The following ADAMTSL1 variants were observed in gnomAD, a reference collection of about 807,000 sequenced individuals.
ADAMTSL1 encodes ADAMTS like 1.
Under a neutral mutation model 201.8 loss-of-function variants are expected in ADAMTSL1, and 126 were observed. The ratio of observed to expected loss-of-function variants is 0.62; its 90% CI spans 0.54 to 0.72. The LOEUF is 0.72. ADAMTSL1 is among the 30% of genes least tolerant of loss of function. ADAMTSL1 has a pLI of 0.00. For missense variants in ADAMTSL1, 2,679 were observed against 2,277.8 expected, an observed-to-expected ratio of 1.18 and a Z score of -3.59; for synonymous variants, 1,121 against 903.4, an observed-to-expected ratio of 1.24 and a Z score of -4.32.
intron 1 of ADAMTSL1, among the ~76,000 whole-genome samples, chr9:18,062,790 A>T (rs1230977604): frequency 6.6e-6 from 1 of 152,204 alleles, no homozygotes; most frequent in Non-Finnish European, 1.5e-5. Context: ...AACTTTTAAA[A>T]AATGATTTTT....
intron 14 of ADAMTSL1, among the ~76,000 whole-genome samples, chr9:18,712,871 G>C (rs1020521491): frequency 2.0e-5 from 3 of 148,370 alleles, no homozygotes; most frequent in African/African-American, 7.4e-5. Context: ...TACCCTCAAA[G>C]GGAAGCCCAT....
intron 14 of ADAMTSL1, chr9:18,717,833 T>C: frequency 8.9e-6 from 6 of 673,796 alleles, no homozygotes; most frequent in Non-Finnish European, 1.6e-5. Flanking sequence ...ATATAGTAGC[T>C]TTCATATGCT....
At chr9:18,416,606 C>G (rs926225163) in intron 2 of ADAMTSL1, among the ~76,000 whole-genome samples, 2 of 151,892 alleles carry the variant, frequency 1.3e-5, no homozygotes, top group African/African-American at 4.8e-5. Flanking sequence ...TAACATTTAT[C>G]AAAAGAAATC....
chr9:18,632,169 A>T (rs1826827319), intron 5 of ADAMTSL1, among the ~76,000 whole-genome samples: 1 of 152,082 alleles, frequency 6.6e-6, no homozygotes, highest in South Asian at 2.1e-4. Flanking sequence ...CTTAAACACC[A>T]CTCTGTGCAC....
chr9:18,107,056 T>G (rs1350418500), intron 1 of ADAMTSL1, among the ~76,000 whole-genome samples: 1 of 152,224 alleles, frequency 6.6e-6, no homozygotes, highest in Non-Finnish European at 1.5e-5. Flanking sequence ...TCTTTCATTT[T>G]TATTCATCGT....
chr9:18,361,626 C>A (rs116569846), intron 2 of ADAMTSL1, among the ~76,000 whole-genome samples: 1 of 152,098 alleles, frequency 6.6e-6, no homozygotes, highest in South Asian at 2.1e-4. Context: ...TTTTTTCCAG[C>A]TTTTAATCCC....
intron 1 of ADAMTSL1, among the ~76,000 whole-genome samples, chr9:18,048,280 G>T (rs149266576): frequency 6.6e-6 from 1 of 152,060 alleles, no homozygotes; most frequent in Non-Finnish European, 1.5e-5. Context: ...TTCTGCTTAT[G>T]TTTCCTTTAT....
chr9:18,241,288 G>A (rs1178883682), intron 2 of ADAMTSL1, among the ~76,000 whole-genome samples: 1 of 151,994 alleles, frequency 6.6e-6, no homozygotes, highest in African/African-American at 2.4e-5. Flanking sequence ...GTCATTAATT[G>A]GCCTAATTTC....
intron 2 of ADAMTSL1, among the ~76,000 whole-genome samples, chr9:18,262,263 G>A (rs920913373): frequency 2.0e-5 from 3 of 152,108 alleles, no homozygotes; most frequent in African/African-American, 7.2e-5. Context: ...GGGGGTGGTG[G>A]AGACTGTGGC....
At chr9:18,131,054 C>A (rs1304762617) in intron 1 of ADAMTSL1, among the ~76,000 whole-genome samples, 1 of 152,092 alleles carries the variant, frequency 6.6e-6, no homozygotes, top group African/African-American at 2.4e-5. Flanking sequence ...AGTAGAAAAT[C>A]CTTAGAAATA....
intron 5 of ADAMTSL1, among the ~76,000 whole-genome samples, chr9:18,626,878 C>CTTTCTTTCTTTCTTTCTTTCTCTTT (rs1461320087): frequency 1.1e-5 from 1 of 90,004 alleles, no homozygotes; most frequent in Non-Finnish European, 2.1e-5. Context: ...TGTCTTTCTT[C>CTTTCTTTCTTTCTTTCTTTCTCTTT]CTTCCTTCCT....
At chr9:18,778,225 T>G (rs981506885) in intron 19 of ADAMTSL1, among the ~76,000 whole-genome samples, 1 of 152,228 alleles carries the variant, frequency 6.6e-6, no homozygotes, top group Non-Finnish European at 1.5e-5. Flanking sequence ...CAGAAAGACA[T>G]CATTCCAGGC....
intron 2 of ADAMTSL1, among the ~76,000 whole-genome samples, chr9:18,320,389 C>T (rs1170147847): frequency 6.6e-6 from 1 of 152,168 alleles, no homozygotes; most frequent in East Asian, 1.9e-4. Flanking sequence ...AAAAACAAGT[C>T]CACATATAGT....
chr9:18,384,888 A>G (rs1458569409), intron 2 of ADAMTSL1, among the ~76,000 whole-genome samples: 1 of 151,974 alleles, frequency 6.6e-6, no homozygotes, highest in Admixed American at 6.6e-5. Context: ...TATTTCTCCC[A>G]TTCTCTTCCA....
intron 11 of ADAMTSL1, 40 bp downstream of exon 11, chr9:18,680,556 T>G: frequency 6.2e-7 from 1 of 1,601,916 alleles, no homozygotes; most frequent in Non-Finnish European, 8.5e-7. Flanking sequence ...GGAGAGTAAG[T>G]CCACTCTTCC....
chr9:18,103,540 A>G (rs1349227326), intron 1 of ADAMTSL1, among the ~76,000 whole-genome samples: 1 of 152,172 alleles, frequency 6.6e-6, no homozygotes, highest in Non-Finnish European at 1.5e-5. Flanking sequence ...AAACCATCCC[A>G]GTTTCTTATA....
At chr9:18,596,254 A>G (rs1042809624) in intron 4 of ADAMTSL1, among the ~76,000 whole-genome samples, 1 of 152,220 alleles carries the variant, frequency 6.6e-6, no homozygotes, top group African/African-American at 2.4e-5. Context: ...TAAGAAGCTT[A>G]TAATTGTGTA....
intron 1 of ADAMTSL1, among the ~76,000 whole-genome samples, chr9:17,936,131 CT>C: frequency 6.6e-6 from 1 of 152,236 alleles, no homozygotes; most frequent in African/African-American, 2.4e-5. Flanking sequence ...TTCTGCTCCC[CT>C]GATTTGGGGC....
At chr9:17,962,675 T>C (rs1013105167) in intron 1 of ADAMTSL1, among the ~76,000 whole-genome samples, 7 of 152,240 alleles carry the variant, frequency 4.6e-5, no homozygotes, top group East Asian at 3.9e-4. Flanking sequence ...TGGAAATTCA[T>C]TGGACCAATT....
Sources: gnomAD v4.1 joint callset for allele counts (sites outside exome capture counted in the v4.1 genomes callset) on GRCh38, gnomAD v4.1.1 for gene constraint, MANE v1.5 for transcripts, NCBI Gene and HGNC (gene_info 2026-07-23, HGNC 2026-07-21) for gene names.